Variants in LY96 observed in about 807,000 individuals in gnomAD.
The protein encoded by LY96 is lymphocyte antigen 96.
LY96 carries 18 observed loss-of-function variants against 18.9 expected under a neutral mutation model. That is an observed-to-expected ratio of 0.95 (90% confidence interval 0.66 to 1.41). LY96 has a LOEUF of 1.41. Among genes scored for constraint, LY96 ranks in the 40% most tolerant of loss-of-function variants. The pLI, the probability that LY96 is intolerant of heterozygous loss-of-function variation, is 0.00. For synonymous variants in LY96, 66 were observed against 62.6 expected (o/e 1.06, Z -0.26); for missense variants, 175 against 182.4 (o/e 0.96, Z 0.23).
At chr8:74,032,462 C>T (rs913673199), downstream of LY96, among the ~76,000 whole-genome samples, 1 of 152,246 alleles carries the variant, frequency 6.6e-6, no homozygotes, top group Non-Finnish European at 1.5e-5. Flanking sequence ...CTGTCCTGTT[C>T]TGTTCTGATT....
the LY96 span, among the ~76,000 whole-genome samples, chr8:74,096,530 A>G: frequency 6.6e-6 from 1 of 152,062 alleles, no homozygotes; most frequent in Non-Finnish European, 1.5e-5. Context: ...CACCTTGACA[A>G]CCCTAAGTAC....
the LY96 span, among the ~76,000 whole-genome samples, chr8:74,062,361 T>C: frequency 1.8e-4 from 28 of 152,294 alleles, no homozygotes; most frequent in Non-Finnish European, 2.4e-4. Context: ...AAGCCCAGCA[T>C]GCATTAGCTA....
chr8:74,071,910 C>T, the LY96 span, among the ~76,000 whole-genome samples: 1 of 152,122 alleles, frequency 6.6e-6, no homozygotes. Context: ...TTTATTTATG[C>T]ATTTACCTGT....
At chr8:74,097,417 A>G in the LY96 span, among the ~76,000 whole-genome samples, 22 of 152,204 alleles carry the variant, frequency 1.4e-4, no homozygotes, top group South Asian at 4.1e-4. Context: ...GTTGATATTT[A>G]TAAAGTACTT....
At chr8:74,074,105 C>G in the LY96 span, among the ~76,000 whole-genome samples, 4,490 of 152,232 alleles carry the variant, frequency 0.029, 218 homozygotes, top group African/African-American at 0.1. Context: ...TCAAGTGATT[C>G]TCCTGCCTCA....
At chr8:74,094,811 T>C in the LY96 span, among the ~76,000 whole-genome samples, 91,038 of 152,066 alleles carry the variant, frequency 0.6, 27,499 homozygotes, top group South Asian at 0.73. Context: ...TAAGGCAGAT[T>C]TTCCATTTTT....
intron 2 of LY96, among the ~76,000 whole-genome samples, chr8:74,005,300 A>AG (rs1816388892): frequency 6.6e-6 from 1 of 152,196 alleles, no homozygotes; most frequent in African/African-American, 2.4e-5. Flanking sequence ...AAAGCCAGCG[A>AG]GGGGGACAGT....
chr8:73,998,519 A>T (rs1397916536), intron 1 of LY96, among the ~76,000 whole-genome samples: 1 of 151,914 alleles, frequency 6.6e-6, no homozygotes, highest in Non-Finnish European at 1.5e-5. Context: ...CTACAAAAAA[A>T]TGAAGAAAAA....
chr8:74,096,814 C>T, the LY96 span, among the ~76,000 whole-genome samples: 1 of 152,164 alleles, frequency 6.6e-6, no homozygotes, highest in Admixed American at 6.5e-5. Flanking sequence ...GGCTGGCTTG[C>T]TCCCAGGGTG....
the LY96 span, among the ~76,000 whole-genome samples, chr8:74,082,480 T>C: frequency 1.3e-5 from 2 of 152,340 alleles, no homozygotes; most frequent in South Asian, 2.1e-4. Flanking sequence ...AGAAAAATTT[T>C]GAAGTTATTT....
chr8:74,095,699 A>G, the LY96 span, among the ~76,000 whole-genome samples: 2 of 152,268 alleles, frequency 1.3e-5, no homozygotes, highest in Admixed American at 6.5e-5. Flanking sequence ...TGCTGGATAC[A>G]TCTTCCCAGA....
chr8:74,012,323 G>A (rs896108811), intron 3 of LY96, among the ~76,000 whole-genome samples: 2 of 152,066 alleles, frequency 1.3e-5, no homozygotes, highest in Admixed American at 1.3e-4. Context: ...ATAAAATGTG[G>A]TATATTTACA....
chr8:74,033,033 A>G (rs550973751), downstream of LY96, among the ~76,000 whole-genome samples: 15 of 152,254 alleles, frequency 9.9e-5, no homozygotes, highest in Admixed American at 2.0e-4. Context: ...TGCCCACATC[A>G]TGGTAAATTT....
chr8:74,096,794 A>G, the LY96 span, among the ~76,000 whole-genome samples: 1 of 152,184 alleles, frequency 6.6e-6, no homozygotes, highest in Non-Finnish European at 1.5e-5. Flanking sequence ...AAAGCTATAG[A>G]TGCTAGGATG....
the LY96 span, among the ~76,000 whole-genome samples, chr8:74,061,446 A>G: frequency 6.6e-6 from 1 of 152,222 alleles, no homozygotes; most frequent in Non-Finnish European, 1.5e-5. Flanking sequence ...TGAGAGAAAC[A>G]TGTTTCTTAA....
chr8:74,097,570 G>A, the LY96 span, among the ~76,000 whole-genome samples: 21 of 152,208 alleles, frequency 1.4e-4, no homozygotes, highest in African/African-American at 5.1e-4. Flanking sequence ...TTAGCTGGGT[G>A]TGGTGATGTG....
the LY96 span, among the ~76,000 whole-genome samples, chr8:74,043,414 G>C: frequency 1.3e-5 from 2 of 152,300 alleles, no homozygotes; most frequent in East Asian, 3.9e-4. Flanking sequence ...GGTAAGATGC[G>C]AGCTTAGACC....
the LY96 span, among the ~76,000 whole-genome samples, chr8:74,095,257 A>G: frequency 6.6e-6 from 1 of 152,156 alleles, no homozygotes; most frequent in African/African-American, 2.4e-5. Context: ...GGCACAGCTG[A>G]AGAGAGAACA....
chr8:74,089,462 G>A, the LY96 span, among the ~76,000 whole-genome samples: 1 of 152,050 alleles, frequency 6.6e-6, no homozygotes, highest in Admixed American at 6.6e-5. Flanking sequence ...CATAGGACGA[G>A]CTCTTCTGTG....
Sources: gnomAD v4.1 joint callset for allele counts (sites outside exome capture counted in the v4.1 genomes callset) on GRCh38, gnomAD v4.1.1 for gene constraint, MANE v1.5 for transcripts, NCBI Gene and HGNC (gene_info 2026-07-23, HGNC 2026-07-21) for gene names.